Variants in DOCK3 observed in about 807,000 individuals in gnomAD.
DOCK3 encodes the protein dedicator of cytokinesis protein 3.
Under a neutral mutation model 265.6 loss-of-function variants are expected in DOCK3, and 60 were observed. That is an observed-to-expected ratio of 0.23 (90% CI 0.18 to 0.28). The LOEUF is 0.28. DOCK3 is among the 10% of genes least tolerant of loss of function. The probability of loss-of-function intolerance (pLI) is 1.00; values close to 1 mark genes in which losing one functional copy is unlikely to be tolerated. For synonymous variants in DOCK3, 881 were observed against 938.0 expected (o/e 0.94, Z 1.11); for missense variants, 1,981 against 2,594.3 (o/e 0.76, Z 5.14).
intron 5 of DOCK3, among the ~76,000 whole-genome samples, chr3:51,042,226 G>T (rs1271344704): frequency 6.6e-6 from 1 of 152,088 alleles, no homozygotes; most frequent in Non-Finnish European, 1.5e-5. Context: ...ATCAAAAAGT[G>T]AATCTACCAC....
intron 5 of DOCK3, among the ~76,000 whole-genome samples, chr3:51,040,763 A>G (rs147192598): frequency 6.6e-6 from 1 of 152,268 alleles, no homozygotes; most frequent in African/African-American, 2.4e-5. Context: ...AATTTCAATA[A>G]TGTTCACAGC....
At position 51,234,195 on chromosome 3, in the gene DOCK3, G is replaced by C. The variant is rs114609015; in HGVS notation, c.1918-2150G>C. Among the ~76,000 whole-genome samples the C allele has an allele frequency of 3.0e-3, 450 of 152,294 alleles. 2 individuals carry two copies. The highest frequency in any genetic ancestry group is 0.01 in the African/African-American group (429 of 41,552). The stretch of plus-strand genomic sequence containing the variant: ...TGGTAATAGCTCTCCCAACTGGGAT[G>C]AGGTGACATCTCATTGTGGTTTCAA... On this transcript the variant is annotated intron_variant, in intron 19 of 52. Transcript: ENST00000266037.
chr3:51,199,085 G>A (rs910271475), intron 12 of DOCK3, among the ~76,000 whole-genome samples: 12 of 152,154 alleles, frequency 7.9e-5, no homozygotes, highest in South Asian at 2.1e-4. Context: ...GAACACCTCC[G>A]GTCTACAGCT....
At chr3:51,208,914 T>A in intron 13 of DOCK3, 52 bp downstream of exon 13, 1 of 1,522,368 alleles carries the variant, frequency 6.6e-7, no homozygotes, top group Non-Finnish European at 9.0e-7. Context: ...TAGTTGCTAC[T>A]CATACAGCAC....
chr3:51,075,728 T>G (rs1402908345), intron 7 of DOCK3, among the ~76,000 whole-genome samples: 1 of 152,216 alleles, frequency 6.6e-6, no homozygotes, highest in East Asian at 1.9e-4. Context: ...AAGTTATGTC[T>G]CTTTCCTCTC....
At chr3:51,170,840 G>A (rs1193107098) in intron 12 of DOCK3, among the ~76,000 whole-genome samples, 1 of 151,810 alleles carries the variant, frequency 6.6e-6, no homozygotes, top group African/African-American at 2.4e-5. Context: ...CTACTCGGGA[G>A]GCTGAGGCAG....
At chr3:51,123,073 C>T (rs564670596) in intron 9 of DOCK3, among the ~76,000 whole-genome samples, 2 of 152,316 alleles carry the variant, frequency 1.3e-5, no homozygotes, top group African/African-American at 2.4e-5. Flanking sequence ...ATTTTATCCA[C>T]CTACTCTGGC....
Position 50,764,712 on chromosome 3 carries a change from G to A in DOCK3, c.38-13963G>A, listed in dbSNP as rs145140238. Among the ~76,000 whole-genome samples, 487 of 152,208 alleles carry A rather than the reference G, an allele frequency of 3.2e-3. 1 individual carries two copies. Among genetic ancestry groups the A allele is most frequent in the Non-Finnish European group, 5.1e-3 (348 of 68,006 alleles). ...TAGTTCCAGCTGCTTGGGTGAGGGG[G>A]TGAGGCAGGAGGATCACTTGAGCCA... is the stretch of plus-strand genomic sequence containing the variant. On this transcript the variant is annotated intron_variant, in intron 1 of 52. Coordinates refer to ENST00000266037, the MANE Select transcript of DOCK3 (RefSeq NM_004947.5).
chr3:50,980,853 G>A (rs944448712), intron 5 of DOCK3, among the ~76,000 whole-genome samples: 46 of 148,978 alleles, frequency 3.1e-4, no homozygotes, highest in Non-Finnish European at 5.7e-4. Context: ...TCTTTTTTTT[G>A]GTTAGTCTAG....
intron 3 of DOCK3, among the ~76,000 whole-genome samples, chr3:50,856,055 A>G (rs1358135323): frequency 6.6e-6 from 1 of 152,190 alleles, no homozygotes; most frequent in Non-Finnish European, 1.5e-5. Flanking sequence ...CATGGTGTAT[A>G]TGTATCACAT....
chr3:51,370,893 A>T (rs948480749), intron 49 of DOCK3, among the ~76,000 whole-genome samples: 1 of 152,202 alleles, frequency 6.6e-6, no homozygotes, highest in African/African-American at 2.4e-5. Flanking sequence ...CATGGCTGGC[A>T]ATTGATGCTG....
intron 32 of DOCK3, among the ~76,000 whole-genome samples, chr3:51,328,578 G>T (rs1394750135): frequency 1.4e-5 from 2 of 147,960 alleles, no homozygotes; most frequent in African/African-American, 2.5e-5. Flanking sequence ...ACTCATCCCT[G>T]CCCTGGCCAT....
chr3:50,949,188 C>A (rs1228626232), intron 5 of DOCK3, among the ~76,000 whole-genome samples: 2 of 152,004 alleles, frequency 1.3e-5, no homozygotes, highest in African/African-American at 2.4e-5. Flanking sequence ...TAAAAAAAAA[C>A]TTGTTCTTTG....
chr3:51,380,054 C>G (rs1262673582), intron 51 of DOCK3, 71 bp from the exon 52 acceptor site: 1 of 1,474,746 alleles, frequency 6.8e-7, no homozygotes, highest in African/African-American at 1.4e-5. Flanking sequence ...CCAGTTGGCC[C>G]AGCAAGATGG....
At chr3:50,918,393 C>T (rs1351073543) in intron 4 of DOCK3, among the ~76,000 whole-genome samples, 1 of 152,086 alleles carries the variant, frequency 6.6e-6, no homozygotes, top group Admixed American at 6.6e-5. Context: ...AAGAGTGTTC[C>T]TATTTCTCCA....
intron 24 of DOCK3, among the ~76,000 whole-genome samples, chr3:51,273,793 G>A (rs1169873933): frequency 6.6e-6 from 1 of 152,178 alleles, no homozygotes; most frequent in Admixed American, 6.5e-5. Context: ...AAATGCCATG[G>A]CTTGTTTGTG....
chr3:51,219,453 G>A (rs1010277378), intron 14 of DOCK3, among the ~76,000 whole-genome samples: 2 of 152,158 alleles, frequency 1.3e-5, no homozygotes, highest in Non-Finnish European at 2.9e-5. Context: ...AAAAAGAAAA[G>A]CTACCAGCCC....
At chr3:51,127,655 A>C (rs981409599) in intron 9 of DOCK3, among the ~76,000 whole-genome samples, 5 of 152,236 alleles carry the variant, frequency 3.3e-5, no homozygotes, top group Non-Finnish European at 7.3e-5. Flanking sequence ...GGAAATACTC[A>C]TGACAATTAC....
intron 2 of DOCK3, among the ~76,000 whole-genome samples, chr3:50,831,190 TTTATTTATTTATTTATTTA>T (rs2045132855): frequency 2.4e-5 from 3 of 127,458 alleles, no homozygotes; most frequent in Admixed American, 1.6e-4. Flanking sequence ...ACCTGTTTTA[TTTATTTATTTATTTATTTA>T]TTTATTTATT....
Sources: allele counts gnomAD v4.1 joint callset (sites outside exome capture counted in the v4.1 genomes callset), GRCh38; gene constraint gnomAD v4.1.1; transcripts MANE v1.5; gene names NCBI Gene and HGNC (gene_info 2026-07-23, HGNC 2026-07-21).